The following ZC3HC1 variants were observed in gnomAD, a reference collection of about 807,000 sequenced individuals.
ZC3HC1 encodes the protein zinc finger C3HC-type containing 1.
In ZC3HC1, 38 loss-of-function variants were observed where a neutral mutation model predicts 61.9. The observed-to-expected ratio is 0.61, with a 90% CI of 0.47 to 0.81. The LOEUF (loss-of-function observed/expected upper bound fraction) is 0.81, where lower values mean the gene tolerates loss of function less well. Among genes scored for constraint, ZC3HC1 ranks in the 30% least tolerant of loss-of-function variants. The pLI, the probability that ZC3HC1 is intolerant of heterozygous loss-of-function variation, is 0.00. For missense variants in ZC3HC1, 554 were observed against 622.7 expected (o/e 0.89, Z 1.17); for synonymous variants, 213 against 229.9 (o/e 0.93, Z 0.67).
chr7:130,043,858 C>T (rs1257639196), intron 2 of ZC3HC1: 1 of 455,602 alleles, frequency 2.2e-6, no homozygotes, highest in Non-Finnish European at 4.4e-6. Flanking sequence ...AGATTAAGCA[C>T]ATATAGGGGA....
At chr7:130,038,782 C>A (rs371447548) in intron 4 of ZC3HC1, among the ~76,000 whole-genome samples, 2 of 150,422 alleles carry the variant, frequency 1.3e-5, no homozygotes, top group East Asian at 2.0e-4. Context: ...ATCGCTTGAA[C>A]CTCGGAGGTG....
At chr7:130,051,162 C>A in intron 1 of ZC3HC1, 59 bp downstream of exon 1, 1 of 1,544,448 alleles carries the variant, frequency 6.5e-7, no homozygotes, top group East Asian at 2.4e-5. Flanking sequence ...CCCGCCACCC[C>A]TTCCCCAAGC....
intron 2 of ZC3HC1, among the ~76,000 whole-genome samples, chr7:130,043,209 G>A (rs1318898180): frequency 3.9e-5 from 6 of 151,924 alleles, no homozygotes; most frequent in South Asian, 2.1e-4. Context: ...CTTGGGAGGC[G>A]GAGGTTGCAG....
chr7:130,023,005 A>C lies in ZC3HC1; in HGVS notation c.1234-480T>G. 1 of 179,042 alleles carries C rather than the reference A, an allele frequency of 5.6e-6. No homozygotes were observed. 11.1% of individuals were successfully genotyped at this position (179,042 alleles called of 1,614,324 possible). A position where few individuals can be genotyped will look rare whatever the true frequency, so the allele number is the denominator to read the frequency against. The stretch of plus-strand genomic sequence containing the variant: ...TCATGATCTGTCACTGTTTCCCGTC[A>C]CCCCCAGATGAGATCATCTAGTTGC... On this transcript the variant is annotated intron_variant, in intron 8 of 9. Coordinates refer to ENST00000358303, the MANE Select transcript of ZC3HC1 (RefSeq NM_016478.5). The surrounding 1 kb of genome is among the most constrained non-coding windows in gnomAD (Gnocchi z 4.2).
chr7:130,027,929 G>A (rs1201707509), intron 5 of ZC3HC1, among the ~76,000 whole-genome samples: 4 of 151,782 alleles, frequency 2.6e-5, no homozygotes, highest in African/African-American at 7.3e-5. Context: ...AGCACTTTGG[G>A]AGGCCGAGGT....
At chr7:130,047,067 A>AT (rs1794895123) in intron 2 of ZC3HC1, among the ~76,000 whole-genome samples, 1 of 151,636 alleles carries the variant, frequency 6.6e-6, no homozygotes. Flanking sequence ...GGTTCAAGCA[A>AT]TCCTCCTGCC....
chr7:130,025,849 C>A (rs894352401), intron 6 of ZC3HC1, among the ~76,000 whole-genome samples: 1 of 88,252 alleles, frequency 1.1e-5, no homozygotes, highest in Non-Finnish European at 2.0e-5. Context: ...CCAGCCTGGG[C>A]AACAGAATGA....
intron 4 of ZC3HC1, among the ~76,000 whole-genome samples, chr7:130,030,885 G>A (rs1364164275): frequency 6.7e-6 from 1 of 148,636 alleles, no homozygotes; most frequent in African/African-American, 2.5e-5. Flanking sequence ...AGCCAGGATG[G>A]TCTCGATCTC....
At chr7:130,034,133 T>C (rs1167539040) in intron 4 of ZC3HC1, among the ~76,000 whole-genome samples, 2 of 152,088 alleles carry the variant, frequency 1.3e-5, no homozygotes, top group Non-Finnish European at 2.9e-5. Flanking sequence ...ATTTTCCCAA[T>C]TTAATGCCGC....
chr7:130,039,099 C>G (rs1326222269), intron 4 of ZC3HC1, among the ~76,000 whole-genome samples: 1 of 151,906 alleles, frequency 6.6e-6, no homozygotes, highest in East Asian at 1.9e-4. Context: ...AATCCCAGCA[C>G]TTTGGGAGGC....
chr7:130,040,843 A>C, intron 3 of ZC3HC1, 108 bp downstream of exon 3: 4 of 1,156,326 alleles, frequency 3.5e-6, no homozygotes, highest in Non-Finnish European at 4.9e-6. Flanking sequence ...AAAAGATTGA[A>C]GTACGCATTT....
chr7:130,021,743 A>C (rs951212568), intron 9 of ZC3HC1, among the ~76,000 whole-genome samples: 11 of 152,032 alleles, frequency 7.2e-5, no homozygotes, highest in Non-Finnish European at 1.3e-4. Context: ...CTGTTTCCGT[A>C]CTCCTTTTCT....
At chr7:130,020,667 CG>C (rs1395098241) in intron 9 of ZC3HC1, among the ~76,000 whole-genome samples, 1 of 151,298 alleles carries the variant, frequency 6.6e-6, no homozygotes, top group Non-Finnish European at 1.5e-5. Context: ...GACACACTAC[CG>C]AAAAAAAAAG....
At chr7:130,049,939 C>T (rs1190602299) in intron 1 of ZC3HC1, among the ~76,000 whole-genome samples, 1 of 150,222 alleles carries the variant, frequency 6.7e-6, no homozygotes, top group Admixed American at 6.7e-5. Context: ...AAAAAAAGAA[C>T]CAATTAGAAA....
At chr7:130,025,829 C>T (rs2116676264) in intron 6 of ZC3HC1, among the ~76,000 whole-genome samples, 1 of 140,908 alleles carries the variant, frequency 7.1e-6, no homozygotes, top group Admixed American at 7.7e-5. Flanking sequence ...ATCGCGCACG[C>T]CACTACCCTC....
chr7:130,024,300 C>T lies in ZC3HC1; in HGVS notation c.983G>A (p.Arg328Gln), dbSNP rs182448549. ...TGGGGAGAAAGTGGCATCCTGGCTC[C>T]GGGTCATCATCCTCCGAGGAGATTC... ...VPESPRRMMTRSQDATFSPGS... is the reference protein window; with the variant it reads ...VPESPRRMMTQSQDATFSPGS... Residue 328 changes from arginine to glutamine, a missense_variant, in exon 7 of 10, where the codon CGG becomes CAG. Physicochemically the swap from Arg to Gln is conservative, Grantham distance 43. Coordinates refer to ENST00000358303, the MANE Select transcript of ZC3HC1 (RefSeq NM_016478.5). 6.8e-6 allele frequency: 11 copies of T among 1,613,376 alleles called. No homozygotes were observed. The highest frequency in any genetic ancestry group is 4.5e-5 in the East Asian group (2 of 44,866).
At chr7:130,026,541 G>C in intron 5 of ZC3HC1, 1 of 410,464 alleles carries the variant, frequency 2.4e-6, no homozygotes, top group South Asian at 5.2e-5. Context: ...AGTCTCCCTG[G>C]AACTGCCAAA....
At chr7:130,040,837 G>T in intron 3 of ZC3HC1, 114 bp downstream of exon 3, 52 of 1,020,402 alleles carry the variant, frequency 5.1e-5, no homozygotes, top group Non-Finnish European at 6.0e-5. Flanking sequence ...TAAAAAAAAA[G>T]ATTGAAGTAC....
chr7:130,043,469 C>T (rs1188198859), intron 2 of ZC3HC1: 1 of 154,186 alleles, frequency 6.5e-6, no homozygotes, highest in Non-Finnish European at 1.4e-5. Context: ...TTAAAGGAGC[C>T]ATGATTATCT....
Sources: gnomAD v4.1 joint callset for allele counts (sites outside exome capture counted in the v4.1 genomes callset) on GRCh38, gnomAD v4.1.1 for gene constraint, Gnocchi (gnomAD v3.1) non-coding constraint, MANE v1.5 for transcripts, NCBI Gene and HGNC (gene_info 2026-07-23, HGNC 2026-07-21) for gene names.